Variants in ACSL6 observed in about 807,000 individuals in gnomAD.
The protein encoded by ACSL6 is long-chain-fatty-acid--CoA ligase 6.
A neutral mutation model predicts 98.2 loss-of-function variants in ACSL6; 47 were observed. The ratio of observed to expected loss-of-function variants is 0.48; its 90% CI spans 0.38 to 0.61. The LOEUF (loss-of-function observed/expected upper bound fraction) is 0.61, where lower values mean the gene tolerates loss of function less well. Ranked by LOEUF, ACSL6 falls within the 20% of genes least tolerant of loss-of-function variation. The pLI is 0.00. For synonymous variants in ACSL6, 362 were observed against 336.9 expected (o/e 1.07, Z -0.82); for missense variants, 761 against 913.4 (o/e 0.83, Z 2.15).
Position 132,011,062 on chromosome 5 carries a change from A to G in ACSL6, c.49+443T>C, listed in dbSNP as rs1192385876. On this transcript the variant is annotated intron_variant, in intron 1 of 20. Transcript: ENST00000651883. The surrounding 1 kb of genome is among the most constrained non-coding windows in gnomAD (Gnocchi z 5.4). ...CGTGAGGAAGCCCCTCGCCGGGATC[A>G]GGAAGCCTAGGTCAGTCCGGGTTAC... Among the ~76,000 whole-genome samples, 1 of 152,188 alleles carries G rather than the reference A, an allele frequency of 6.6e-6. No individual in the cohort carries two copies. Among genetic ancestry groups the G allele is most frequent in the African/African-American group, 2.4e-5 (1 of 41,424 alleles).
chr5:131,968,037 C>G lies in ACSL6; in HGVS notation c.1508-9G>C, dbSNP rs1753111723. 1.2e-6 allele frequency: 2 copies of G among 1,612,376 alleles called. No homozygotes were observed. The highest frequency in any genetic ancestry group is 1.3e-5 in the African/African-American group (1 of 74,886). ...TGGCGCCCCTACGTGCCCTGGAACA[C>G]CGGAGCAAGATGGCATTTGTTAGTG... On this transcript the variant is annotated splice_polypyrimidine_tract_variant and intron_variant, in intron 15 of 20. Transcript: ENST00000651883.
chr5:131,951,571 C>T lies in ACSL6; in HGVS notation c.*2663G>A, dbSNP rs561389015. The T allele has an allele frequency of 5.4e-6, 1 of 185,734 alleles. No individual in the cohort carries two copies. Among genetic ancestry groups the T allele is most frequent in the African/African-American group, 2.5e-5 (1 of 40,038 alleles). The allele number at this position is 185,734 out of a possible 1,614,324, so 11.5% of individuals were successfully genotyped here. A position where few individuals can be genotyped will look rare whatever the true frequency, so the allele number is the denominator to read the frequency against. ...TATTTTAAGTGGCAAAAAGAAGAAA[C>T]CTTGTTTTTGTTTTTTTTTTTTCTT... On this transcript the variant is annotated 3_prime_UTR_variant, in exon 21 of 21. Coordinates refer to ENST00000651883, the MANE Select transcript of ACSL6 (RefSeq NM_001009185.3).
chr5:131,970,980 A>C (rs377725609), intron 14 of ACSL6, among the ~76,000 whole-genome samples: 12 of 152,220 alleles, frequency 7.9e-5, no homozygotes, highest in East Asian at 5.8e-4. Flanking sequence ...AAGGCTTCTA[A>C]AGCAGAAAAA....
Position 131,988,877 on chromosome 5 carries a change from T to G in ACSL6, c.580A>C (p.Thr194Pro). Residue 194 changes from threonine (T) to proline (P), a missense_variant, in exon 6 of 21, where the codon ACA (threonine) becomes CCA (proline). By Grantham distance (38) the Thr-to-Pro change is conservative. Coordinates refer to ENST00000651883, the MANE Select transcript of ACSL6 (RefSeq NM_001009185.3). ...AGCGGGACCACCACCATGGAATATGTGTAGCAGGCCAGCTCCACAATGATC... is the reference window on the plus strand; with the variant it reads ...AGCGGGACCACCACCATGGAATATGGGTAGCAGGCCAGCTCCACAATGATC... The part of the protein sequence containing the change: ...EWIIVELACY[T>P]YSMVVVPLYD... 6.2e-7 allele frequency: 1 copy of G among 1,612,154 alleles called. No homozygotes were observed. Among genetic ancestry groups the G allele is most frequent in the Non-Finnish European group, 8.5e-7 (1 of 1,179,682 alleles).
intron 15 of ACSL6, chr5:131,968,267 C>T (rs1300673232): frequency 2.2e-5 from 10 of 461,792 alleles, no homozygotes; most frequent in Non-Finnish European, 2.7e-5. Flanking sequence ...ATAAGCAGGA[C>T]AGGCACACCT....
intron 9 of ACSL6, among the ~76,000 whole-genome samples, chr5:131,977,010 C>T (rs1753657932): frequency 6.6e-6 from 1 of 152,178 alleles, no homozygotes; most frequent in African/African-American, 2.4e-5. Flanking sequence ...GTGGTCTGTG[C>T]CTTATCCTCT....
intron 3 of ACSL6, 61 bp from the exon 4 acceptor site, chr5:131,990,225 T>C: frequency 1.9e-6 from 3 of 1,559,864 alleles, no homozygotes; most frequent in Non-Finnish European, 2.6e-6. Context: ...GCCACCTGCA[T>C]CCGCCCATCA....
intron 4 of ACSL6, 29 bp from the exon 5 acceptor site, chr5:131,989,537 A>T (rs747791590): frequency 2.6e-6 from 4 of 1,512,728 alleles, no homozygotes; most frequent in Admixed American, 1.7e-5. Flanking sequence ...AAGTGATGGG[A>T]AAACAAGGAC....
intron 5 of ACSL6, 63 bp from the exon 6 acceptor site, chr5:131,988,967 A>C (rs1754354773): frequency 3.4e-6 from 5 of 1,451,150 alleles, no homozygotes; most frequent in Non-Finnish European, 4.8e-6. Flanking sequence ...TCCTGCCCTT[A>C]GGCCTAGGTA....
intron 2 of ACSL6, among the ~76,000 whole-genome samples, chr5:131,992,705 C>T (rs1754590464): frequency 6.6e-6 from 1 of 152,178 alleles, no homozygotes. Flanking sequence ...CACCTTTCTA[C>T]GGCACAAACT....
At chr5:131,959,337 G>A (rs1752579557) in intron 20 of ACSL6, among the ~76,000 whole-genome samples, 199 bp downstream of exon 20, 1 of 152,186 alleles carries the variant, frequency 6.6e-6, no homozygotes, top group Non-Finnish European at 1.5e-5. Flanking sequence ...TATAAGGATG[G>A]GTGCAATCTC....
chr5:131,965,313 T>C (rs1173985684), intron 17 of ACSL6, among the ~76,000 whole-genome samples: 5 of 152,218 alleles, frequency 3.3e-5, no homozygotes, highest in East Asian at 3.8e-4. Context: ...AAAGCATTCA[T>C]CTAAGCATCT....
intron 1 of ACSL6, among the ~76,000 whole-genome samples, chr5:132,008,314 C>A (rs11739123): frequency 1.3e-5 from 2 of 152,194 alleles, no homozygotes; most frequent in Non-Finnish European, 2.9e-5. Flanking sequence ...CTGAACTAAG[C>A]CAAAGTGTGC....
At chr5:131,959,425 G>A in intron 20 of ACSL6, 111 bp downstream of exon 20, 1 of 1,184,396 alleles carries the variant, frequency 8.4e-7, no homozygotes, top group Non-Finnish European at 1.2e-6. Flanking sequence ...ACAGCCTGCT[G>A]GCGGGCCACA....
intron 20 of ACSL6, among the ~76,000 whole-genome samples, chr5:131,957,220 T>C (rs1178409038): frequency 6.6e-6 from 1 of 152,198 alleles, no homozygotes; most frequent in East Asian, 1.9e-4. Context: ...GAAATGCTCA[T>C]TTTCTTATTT....
rs988420007 is a variant in ACSL6, at chr5:131,951,133, T to A, written c.*3101A>T. On this transcript the variant is annotated 3_prime_UTR_variant, in exon 21 of 21. Transcript: ENST00000651883. The stretch of plus-strand genomic sequence containing the variant: ...GGATCTGTTTGCAAAATATGAGAAT[T>A]ACTAATACATTTGAATAACAGATAA... 3.9e-5 allele frequency: 8 copies of A among 203,276 alleles called. No homozygotes were observed. The highest frequency in any genetic ancestry group is 7.1e-5 in the Non-Finnish European group (7 of 99,188). 12.6% of individuals were successfully genotyped at this position (203,276 alleles called of 1,614,324 possible). A position where few individuals can be genotyped will look rare whatever the true frequency, so the allele number is the denominator to read the frequency against.
rs190762205 is a variant in ACSL6 at position 131,955,521 on chromosome 5, A to C, written c.2032-1150T>G. 4.8e-3 allele frequency among the ~76,000 whole-genome samples: 724 copies of C among 152,330 alleles called. 4 individuals are homozygous for C. Among genetic ancestry groups the C allele is most frequent in the African/African-American group, 0.017 (687 of 41,572 alleles). ...GTGCACTGAGAACTAGGTGATCTGC[A>C]GAGGCCACTGCTGGGGATGGTATAG... On this transcript the variant is annotated intron_variant, in intron 20 of 20. Coordinates refer to ENST00000651883, the MANE Select transcript of ACSL6 (RefSeq NM_001009185.3).
At chr5:131,962,450 T>C in intron 18 of ACSL6, 85 bp downstream of exon 18, 1 of 1,455,250 alleles carries the variant, frequency 6.9e-7, no homozygotes, top group Non-Finnish European at 9.3e-7. Context: ...AGGAGAATCC[T>C]GGTGCCTGAT....
intron 10 of ACSL6, 84 bp from the exon 11 acceptor site, chr5:131,975,054 A>T: frequency 1.3e-6 from 2 of 1,513,862 alleles, no homozygotes; most frequent in South Asian, 2.4e-5. Flanking sequence ...ATAAAGAGAA[A>T]ATGGTCCTGG....
Sources: gnomAD v4.1 joint callset for allele counts (sites outside exome capture counted in the v4.1 genomes callset) on GRCh38, gnomAD v4.1.1 for gene constraint, Gnocchi (gnomAD v3.1) non-coding constraint, MANE v1.5 for transcripts, NCBI Gene and HGNC (gene_info 2026-07-23, HGNC 2026-07-21) for gene names.